AGL: variants seen among roughly 807,000 people sequenced by gnomAD.
The protein encoded by AGL is amylo-alpha-1,6-glucosidase and 4-alpha-glucanotransferase, also known as glycogen debranching enzyme.
AGL carries 128 observed loss-of-function variants against 199.3 expected under a neutral mutation model. That is an observed-to-expected ratio of 0.64 (90% CI 0.56 to 0.74). The LOEUF (loss-of-function observed/expected upper bound fraction) is 0.74, where lower values mean the gene tolerates loss of function less well. Ranked by LOEUF, AGL falls within the 30% of genes least tolerant of loss-of-function variation. The pLI, the probability that AGL is intolerant of heterozygous loss-of-function variation, is 0.00. For missense variants in AGL, 1,809 were observed against 1,820.8 expected, an observed-to-expected ratio of 0.99 and a Z score of 0.12; for synonymous variants, 584 against 594.7, an observed-to-expected ratio of 0.98 and a Z score of 0.26.
chr1:99,874,627 G>C, intron 7 of AGL, 60 bp from the exon 8 acceptor site: 1 of 1,502,062 alleles, frequency 6.7e-7, no homozygotes, highest in Non-Finnish European at 9.1e-7. Flanking sequence ...AGAAAATAGT[G>C]ACAGTTATAA....
intron 2 of AGL, among the ~76,000 whole-genome samples, chr1:99,857,834 G>GAGGGGGAGGGGGGAGAGGGAGACC (rs1471328038): frequency 7.6e-6 from 1 of 131,196 alleles, no homozygotes; most frequent in Non-Finnish European, 1.7e-5. Context: ...AGACCGTGGG[G>GAGGGGGAGGGGGGAGAGGGAGACC]AGGGGGAGGG....
intron 2 of AGL, among the ~76,000 whole-genome samples, chr1:99,856,875 A>C (rs191420506): frequency 4.6e-5 from 7 of 152,310 alleles, no homozygotes; most frequent in African/African-American, 1.2e-4. Context: ...TGATTTCTCT[A>C]TCTTTTCCCC....
At chr1:99,880,157 G>T in intron 13 of AGL, 111 bp downstream of exon 13, 1 of 1,457,518 alleles carries the variant, frequency 6.9e-7, no homozygotes, top group Non-Finnish European at 9.5e-7. Context: ...CACAGTTAAT[G>T]TTCTTCTAAA....
upstream of AGL, chr1:99,850,193 ACT>A (rs2101051731): frequency 6.6e-6 from 1 of 152,504 alleles, no homozygotes; most frequent in East Asian, 1.9e-4. Context: ...AGTCGCTGAG[ACT>A]CTGCCTGCTT....
At chr1:99,886,487 G>GA (rs11298471) in intron 20 of AGL, among the ~76,000 whole-genome samples, 23 of 148,214 alleles carry the variant, frequency 1.6e-4, no homozygotes, top group African/African-American at 2.2e-4. Flanking sequence ...CCTGTCTCTA[G>GA]AAAAAAAAAA....
At chr1:99,912,981 G>C (rs1181857568) in intron 29 of AGL, among the ~76,000 whole-genome samples, 1 of 152,112 alleles carries the variant, frequency 6.6e-6, no homozygotes, top group Non-Finnish European at 1.5e-5. Context: ...TCCACACTTT[G>C]GGGGGCCAAG....
chr1:99,895,378 A>T (rs1653217382), intron 24 of AGL, among the ~76,000 whole-genome samples: 1 of 152,192 alleles, frequency 6.6e-6, no homozygotes, highest in Admixed American at 6.5e-5. Flanking sequence ...ACCTCCAATT[A>T]CCTAGAATGA....
At chr1:99,921,192 TAACAC>T (rs1196515099) in intron 33 of AGL, among the ~76,000 whole-genome samples, 1 of 152,160 alleles carries the variant, frequency 6.6e-6, no homozygotes. Context: ...AGATCACACA[TAACAC>T]ATCTGCATAA....
chr1:99,870,880 C>A lies in AGL; in HGVS notation c.958+11C>A. The A allele has an allele frequency of 6.8e-7, 1 of 1,460,716 alleles. No individual in the cohort carries two copies. The highest frequency in any genetic ancestry group is 9.6e-7 in the Non-Finnish European group (1 of 1,041,456). 90.5% of individuals were successfully genotyped at this position (1,460,716 alleles called of 1,614,324 possible). A position where few individuals can be genotyped will look rare whatever the true frequency, so the allele number is the denominator to read the frequency against. On this transcript the variant is annotated intron_variant, in intron 7 of 33. Coordinates refer to ENST00000361915, the MANE Select transcript of AGL (RefSeq NM_000642.3). Reference sequence around the variant, plus strand: ...GACTTCTTACACAAGGTAAAGGATACATACTAGAATGTTCCTATCGATTTT... The same window carrying A: ...GACTTCTTACACAAGGTAAAGGATAAATACTAGAATGTTCCTATCGATTTT...
chr1:99,880,270 T>G (rs1003421168), intron 13 of AGL, among the ~76,000 whole-genome samples: 3 of 152,218 alleles, frequency 2.0e-5, no homozygotes, highest in Non-Finnish European at 4.4e-5. Context: ...ACCAGTAGGA[T>G]GAACTGAAGA....
At chr1:99,877,901 A>G (rs1651688471) in intron 12 of AGL, 73 bp downstream of exon 12, 4 of 1,428,364 alleles carry the variant, frequency 2.8e-6, no homozygotes, top group Middle Eastern at 1.8e-4. Context: ...TAAGTAAACT[A>G]TGCAGGTAAA....
chr1:99,856,935 G>A (rs547678906), intron 2 of AGL, among the ~76,000 whole-genome samples: 47 of 152,318 alleles, frequency 3.1e-4, no homozygotes, highest in African/African-American at 1.1e-3. Context: ...ATCATGGCCC[G>A]TTCTCAATGA....
Position 99,891,592 on chromosome 1 carries a change from T to C in AGL, c.2950-14T>C, listed in dbSNP as rs1476205079. 3.7e-6 allele frequency: 6 copies of C among 1,613,414 alleles called. No individual in the cohort carries two copies. Among genetic ancestry groups the C allele is most frequent in the Non-Finnish European group, 3.4e-6 (4 of 1,179,548 alleles). On this transcript the variant is annotated splice_polypyrimidine_tract_variant and intron_variant, in intron 22 of 33. Transcript: ENST00000361915. ...CACATACCAAATTAACTTTCAAATT[T>C]ATTTTAATTACAGGTTGGTAAATGG...
chr1:99,891,128 CTAGAA>C (rs1652859187), intron 21 of AGL, 87 bp from the exon 22 acceptor site: 2 of 1,526,060 alleles, frequency 1.3e-6, no homozygotes, highest in East Asian at 4.5e-5. Flanking sequence ...CCCCAAATCA[CTAGAA>C]TAGAGACTAG....
chr1:99,911,980 A>G (rs893869395), intron 28 of AGL, among the ~76,000 whole-genome samples: 2 of 152,168 alleles, frequency 1.3e-5, no homozygotes, highest in Non-Finnish European at 2.9e-5. Flanking sequence ...TTAAAAATCT[A>G]TTTGGTACAT....
At chr1:99,897,413 C>A (rs1373790754) in intron 25 of AGL, among the ~76,000 whole-genome samples, 4 of 152,166 alleles carry the variant, frequency 2.6e-5, no homozygotes, top group African/African-American at 9.7e-5. Flanking sequence ...ATAAAACTTT[C>A]AGCAAAAGGG....
chr1:99,865,355 A>G (rs1418934599), intron 5 of AGL, among the ~76,000 whole-genome samples: 2 of 152,174 alleles, frequency 1.3e-5, no homozygotes, highest in African/African-American at 2.4e-5. Flanking sequence ...AATGACTTCT[A>G]TTATTTGGAG....
intron 21 of AGL, among the ~76,000 whole-genome samples, chr1:99,889,092 C>CA: frequency 6.6e-6 from 1 of 151,800 alleles, no homozygotes; most frequent in South Asian, 2.1e-4. Flanking sequence ...CTTACTTTTC[C>CA]CCTGCAAAAT....
At chr1:99,911,640 A>T (rs1007590003) in intron 28 of AGL, among the ~76,000 whole-genome samples, 2 of 152,142 alleles carry the variant, frequency 1.3e-5, no homozygotes, top group African/African-American at 4.8e-5. Context: ...ACGAGGTTTC[A>T]CCATGTTGGC....
Sources: gnomAD v4.1 joint callset for allele counts (sites outside exome capture counted in the v4.1 genomes callset) on GRCh38, gnomAD v4.1.1 for gene constraint, MANE v1.5 for transcripts, NCBI Gene and HGNC (gene_info 2026-07-23, HGNC 2026-07-21) for gene names.